Variants in CACNA1E observed in about 807,000 individuals in gnomAD.
CACNA1E encodes calcium voltage-gated channel subunit alpha1 E.
Under a neutral mutation model 259.2 loss-of-function variants are expected in CACNA1E, and 40 were observed. That is an observed-to-expected ratio of 0.15 (90% CI 0.12 to 0.20). CACNA1E has a LOEUF of 0.20. CACNA1E is among the 10% of genes least tolerant of loss of function. CACNA1E has a pLI of 1.00. For missense variants in CACNA1E, 1,874 were observed against 3,040.1 expected (o/e 0.62, Z 9.02); for synonymous variants, 1,104 against 1,138.5 (o/e 0.97, Z 0.61).
At chr1:181,714,475 T>TTATTACATTACATTATTACATAG (rs1386405694) in intron 8 of CACNA1E, among the ~76,000 whole-genome samples, 1 of 152,142 alleles carries the variant, frequency 6.6e-6, no homozygotes, top group Non-Finnish European at 1.5e-5. Context: ...TACATAGGCA[T>TTATTACATTACATTATTACATAG]GCTCGATTAA....
chr1:181,795,093 GC>G, intron 46 of CACNA1E, 49 bp downstream of exon 46: 3 of 1,476,732 alleles, frequency 2.0e-6, no homozygotes, highest in Non-Finnish European at 2.8e-6. Flanking sequence ...GTGGGCTCCT[GC>G]CCTGATGCAC....
At chr1:181,423,501 C>G (rs778459563) in intron 2 of CACNA1E, among the ~76,000 whole-genome samples, 3 of 152,254 alleles carry the variant, frequency 2.0e-5, no homozygotes, top group African/African-American at 2.4e-5. Flanking sequence ...CCACTTCTGT[C>G]TCATGTGCCC....
At chr1:181,432,867 TAAA>T (rs1340478524) in intron 2 of CACNA1E, among the ~76,000 whole-genome samples, 1 of 152,218 alleles carries the variant, frequency 6.6e-6, no homozygotes, top group Admixed American at 6.5e-5. Flanking sequence ...GTAGCCATGT[TAAA>T]AAAGCAAAAG....
intron 2 of CACNA1E, among the ~76,000 whole-genome samples, chr1:181,449,333 T>C (rs899217984): frequency 2.0e-4 from 31 of 152,244 alleles, no homozygotes; most frequent in African/African-American, 6.8e-4. Flanking sequence ...TTCAGTCTCA[T>C]ATACACATAT....
chr1:181,734,310 T>C (rs1318256951), intron 21 of CACNA1E, among the ~76,000 whole-genome samples: 2 of 151,992 alleles, frequency 1.3e-5, no homozygotes, highest in Admixed American at 1.3e-4. Context: ...TAGCCACAAG[T>C]TCTCCCCATC....
At chr1:181,550,343 G>T (rs1647991628) in intron 3 of CACNA1E, among the ~76,000 whole-genome samples, 1 of 152,116 alleles carries the variant, frequency 6.6e-6, no homozygotes, top group African/African-American at 2.4e-5. Context: ...GACTGGGTGT[G>T]GTGCCCTATA....
intron 32 of CACNA1E, among the ~76,000 whole-genome samples, chr1:181,762,341 T>G (rs1029228632): frequency 5.3e-5 from 8 of 152,210 alleles, no homozygotes; most frequent in African/African-American, 1.9e-4. Context: ...AAAGATAAAG[T>G]CTTCAAATAG....
chr1:181,421,870 G>A (rs1658771516), intron 2 of CACNA1E, among the ~76,000 whole-genome samples: 1 of 152,192 alleles, frequency 6.6e-6, no homozygotes, highest in Non-Finnish European at 1.5e-5. Context: ...CCTAGAATAA[G>A]AGAATGTGAT....
chr1:181,722,015 G>A, intron 16 of CACNA1E, 140 bp downstream of exon 16: 1 of 628,324 alleles, frequency 1.6e-6, no homozygotes, highest in Non-Finnish European at 2.9e-6. Flanking sequence ...AAGTAAATAA[G>A]GATCCTGATC....
At chr1:181,552,714 C>T (rs529294071) in intron 3 of CACNA1E, among the ~76,000 whole-genome samples, 74 of 152,254 alleles carry the variant, frequency 4.9e-4, no homozygotes, top group African/African-American at 5.8e-4. Flanking sequence ...CATAGGTATA[C>T]GTGTGCCATG....
chr1:181,510,454 G>C (rs1666070938), intron 1 of CACNA1E, 23 bp from the exon 2 acceptor site: 3 of 1,559,448 alleles, frequency 1.9e-6, no homozygotes. Context: ...TGGTGAATTT[G>C]TTCCTTAACT....
At position 181,765,849 on chromosome 1, in the gene CACNA1E, C is replaced by T. The variant is rs202018851; in HGVS notation, c.4816-697C>T. ...AGGCCAGTTCCCTGCCTCATATCTC[C>T]TTGCCTTGACCCTCACCTCTAAAAC... On this transcript the variant is annotated intron_variant, in intron 34 of 47. Transcript: ENST00000367573. 2.6e-5 allele frequency among the ~76,000 whole-genome samples: 4 copies of T among 152,248 alleles called. No individual in the cohort carries two copies. In the East Asian group the frequency reaches 7.7e-4, roughly 29 times the overall value.
intron 44 of CACNA1E, among the ~76,000 whole-genome samples, chr1:181,791,133 C>G (rs1017620547): frequency 1.8e-4 from 27 of 152,180 alleles, no homozygotes; most frequent in Admixed American, 1.0e-3. Context: ...TAACAGGCCA[C>G]TAAAGTCACT....
At chr1:181,761,057 A>G (rs1658536010) in intron 32 of CACNA1E, among the ~76,000 whole-genome samples, 1 of 152,206 alleles carries the variant, frequency 6.6e-6, no homozygotes, top group African/African-American at 2.4e-5. Context: ...AAATATTCTA[A>G]TGGAAAGTGA....
chr1:181,562,483 A>G (rs1051303384), intron 3 of CACNA1E, among the ~76,000 whole-genome samples: 1 of 152,206 alleles, frequency 6.6e-6, no homozygotes, highest in African/African-American at 2.4e-5. Flanking sequence ...GAAATTTGCC[A>G]TGGCTGTATC....
chr1:181,395,648 C>G (rs1286385673), intron 1 of CACNA1E, among the ~76,000 whole-genome samples: 3 of 152,112 alleles, frequency 2.0e-5, no homozygotes, highest in Non-Finnish European at 2.9e-5. Context: ...GAACCTCCTC[C>G]TGGGTTTGTG....
intron 2 of CACNA1E, among the ~76,000 whole-genome samples, chr1:181,443,439 T>C (rs146983182): frequency 6.6e-6 from 1 of 152,370 alleles, no homozygotes; most frequent in Non-Finnish European, 1.5e-5. Context: ...ATGTGCTCTC[T>C]CTTTGTGTCT....
At chr1:181,741,598 G>A (rs1291482906) in intron 25 of CACNA1E, among the ~76,000 whole-genome samples, 1 of 152,212 alleles carries the variant, frequency 6.6e-6, no homozygotes, top group African/African-American at 2.4e-5. Context: ...TAACCAGGCT[G>A]GTGTGTTGGT....
At chr1:181,460,496 G>A (rs1170452716) in intron 2 of CACNA1E, among the ~76,000 whole-genome samples, 1 of 152,216 alleles carries the variant, frequency 6.6e-6, no homozygotes, top group Admixed American at 6.5e-5. Flanking sequence ...ATGTGGTTCA[G>A]CAAGACAACA....
Sources: allele counts gnomAD v4.1 joint callset (sites outside exome capture counted in the v4.1 genomes callset), GRCh38; gene constraint gnomAD v4.1.1; transcripts MANE v1.5; gene names NCBI Gene and HGNC (gene_info 2026-07-23, HGNC 2026-07-21).